The following MYOZ2 variants were observed in gnomAD, a reference collection of about 807,000 sequenced individuals.
The protein encoded by MYOZ2 is myozenin 2.
MYOZ2 carries 19 observed loss-of-function variants against 25.4 expected under a neutral mutation model. That is an observed-to-expected ratio of 0.75 (90% CI 0.52 to 1.10). MYOZ2 has a LOEUF of 1.10. Ranked by LOEUF, MYOZ2 falls within the 50% of genes least tolerant of loss-of-function variation. MYOZ2 has a pLI of 0.00. For synonymous variants in MYOZ2, 92 were observed against 106.9 expected (o/e 0.86, Z 0.86); for missense variants, 270 against 317.9 (o/e 0.85, Z 1.15).
intron 4 of MYOZ2, among the ~76,000 whole-genome samples, chr4:119,161,091 T>C (rs1741697854): frequency 6.6e-6 from 1 of 152,132 alleles, no homozygotes; most frequent in Non-Finnish European, 1.5e-5. Context: ...GTCCTACTTT[T>C]CACGCCTAGG....
At position 119,136,607 on chromosome 4, in the gene MYOZ2, A is replaced by G. The variant is rs1373195401; in HGVS notation, c.76+6A>G. The stretch of plus-strand genomic sequence containing the variant: ...GAAGGAAGTCCATGGAAATGGTATC[A>G]ATAAAAATCCTTCGTAGCATTAATA... On this transcript the variant is annotated splice_donor_region_variant and intron_variant, in intron 2 of 5. Transcript: ENST00000307128. 1 of 1,611,838 alleles carries G rather than the reference A, an allele frequency of 6.2e-7. No individual in the cohort carries two copies. The highest frequency in any genetic ancestry group is 8.5e-7 in the Non-Finnish European group (1 of 1,178,170).
Position 119,158,143 on chromosome 4 carries a change from T to G in MYOZ2, c.368T>G (p.Ile123Ser). 1 of 1,614,046 alleles carries G rather than the reference T, an allele frequency of 6.2e-7. No homozygotes were observed. The highest frequency in any genetic ancestry group is 8.5e-7 in the Non-Finnish European group (1 of 1,179,954). The part of the protein sequence containing the change: ...DPRSPPNPDN[I>S]APGYSGPLKE... ...CGAAGCCCTCCAAATCCAGACAACA[T>G]TGCTCCAGGTAACCAATCCCCTTAC... Residue 123 changes from isoleucine to serine, a missense_variant, in exon 4 of 6, where the codon ATT becomes AGT. Transcript: ENST00000307128.
intron 2 of MYOZ2, among the ~76,000 whole-genome samples, chr4:119,137,247 ACT>A (rs1382645728): frequency 2.6e-5 from 4 of 152,040 alleles, no homozygotes; most frequent in African/African-American, 9.7e-5. Flanking sequence ...GTAATATTTC[ACT>A]CTCTCCTTTT....
chr4:119,136,942 A>G (rs1298341182), intron 2 of MYOZ2, among the ~76,000 whole-genome samples: 1 of 151,818 alleles, frequency 6.6e-6, no homozygotes, highest in Admixed American at 6.6e-5. Context: ...TCTTGTCTTT[A>G]TTGTCCATCC....
chr4:119,181,672 T>A (rs1451998078), intron 5 of MYOZ2, among the ~76,000 whole-genome samples: 1 of 152,186 alleles, frequency 6.6e-6, no homozygotes, highest in Admixed American at 6.5e-5. Context: ...CTACAAAAAC[T>A]ATGGCATAGT....
At chr4:119,165,200 C>T (rs1038707995) in intron 5 of MYOZ2, among the ~76,000 whole-genome samples, 2 of 151,108 alleles carry the variant, frequency 1.3e-5, no homozygotes, top group African/African-American at 4.9e-5. Context: ...GCCAAATAGA[C>T]TGCATTTAAA....
chr4:119,165,852 G>A (rs1280299410), intron 5 of MYOZ2, among the ~76,000 whole-genome samples: 1 of 152,114 alleles, frequency 6.6e-6, no homozygotes, highest in African/African-American at 2.4e-5. Flanking sequence ...TGTACCTGCT[G>A]AGCAGCTTGC....
chr4:119,172,710 C>G (rs945894423), intron 5 of MYOZ2, among the ~76,000 whole-genome samples: 1 of 152,128 alleles, frequency 6.6e-6, no homozygotes, highest in East Asian at 1.9e-4. Flanking sequence ...AATCTAGTCC[C>G]CAGGCAGGAA....
At chr4:119,149,181 T>C (rs1741387890) in intron 2 of MYOZ2, among the ~76,000 whole-genome samples, 1 of 152,172 alleles carries the variant, frequency 6.6e-6, no homozygotes, top group African/African-American at 2.4e-5. Flanking sequence ...CTCTTTGTTA[T>C]TGCTGGGAGA....
At chr4:119,185,639 T>A (rs111683765) in intron 5 of MYOZ2, among the ~76,000 whole-genome samples, 2 of 152,124 alleles carry the variant, frequency 1.3e-5, no homozygotes, top group African/African-American at 4.8e-5. Flanking sequence ...ATAGGGGAAA[T>A]ATTGTTGGTA....
intron 5 of MYOZ2, among the ~76,000 whole-genome samples, chr4:119,178,128 G>A (rs1366374312): frequency 6.6e-6 from 1 of 152,102 alleles, no homozygotes; most frequent in Non-Finnish European, 1.5e-5. Flanking sequence ...TATGTGAAAT[G>A]GCTGATCATT....
intron 2 of MYOZ2, 118 bp from the exon 3 acceptor site, chr4:119,150,754 A>G (rs927715131): frequency 9.9e-7 from 1 of 1,011,980 alleles, no homozygotes; most frequent in Admixed American, 2.2e-5. Flanking sequence ...AGAGAAAATA[A>G]ATGACATACT....
chr4:119,178,524 A>C (rs950952810), intron 5 of MYOZ2, among the ~76,000 whole-genome samples: 2 of 152,198 alleles, frequency 1.3e-5, no homozygotes, highest in African/African-American at 2.4e-5. Context: ...CCTGTTGCTC[A>C]CATAAACAAT....
intron 5 of MYOZ2, among the ~76,000 whole-genome samples, chr4:119,182,825 C>T (rs1457733520): frequency 6.6e-6 from 1 of 152,108 alleles, no homozygotes; most frequent in Non-Finnish European, 1.5e-5. Flanking sequence ...GTTGGGGACC[C>T]TTGCTGTAAC....
intron 5 of MYOZ2, among the ~76,000 whole-genome samples, chr4:119,185,491 T>C (rs1191871985): frequency 2.0e-5 from 3 of 152,122 alleles, no homozygotes; most frequent in Non-Finnish European, 4.4e-5. Context: ...ATTTTTGTAA[T>C]TTTAGTAGAG....
At chr4:119,148,412 C>T (rs1024591930) in intron 2 of MYOZ2, among the ~76,000 whole-genome samples, 3 of 151,990 alleles carry the variant, frequency 2.0e-5, no homozygotes, top group Non-Finnish European at 2.9e-5. Context: ...ATTTTTCAGC[C>T]GTGATTTCTT....
At chr4:119,139,681 AGGAATT>A (rs1741117923) in intron 2 of MYOZ2, among the ~76,000 whole-genome samples, 1 of 152,168 alleles carries the variant, frequency 6.6e-6, no homozygotes, top group Non-Finnish European at 1.5e-5. Flanking sequence ...GCTGGGGGAA[AGGAATT>A]GGAATTTTAA....
At position 119,164,394 on chromosome 4, in the gene MYOZ2, G is replaced by T; in HGVS notation, c.560G>T (p.Arg187Met). 1 of 1,613,922 alleles carries T rather than the reference G, an allele frequency of 6.2e-7. No individual in the cohort carries two copies. The highest frequency in any genetic ancestry group is 8.5e-7 in the Non-Finnish European group (1 of 1,179,908). ...AELPDYRSFN[R>M]VATPFGGFEK... The stretch of plus-strand genomic sequence containing the variant: ...CTGCCTGATTACAGGAGCTTTAACA[G>T]GTAATTCAATGGTCCTGGGTGACAC... Residue 187 changes from arginine to methionine, a missense_variant and splice_region_variant, in exon 5 of 6, where the codon AGG becomes ATG. Physicochemically the swap from Arg to Met is moderately conservative, Grantham distance 91. Transcript: ENST00000307128.
chr4:119,155,144 A>G (rs1322088535), intron 3 of MYOZ2, among the ~76,000 whole-genome samples: 2 of 152,076 alleles, frequency 1.3e-5, no homozygotes, highest in Non-Finnish European at 2.9e-5. Flanking sequence ...TTAACAATCA[A>G]TTCTCATAGG....
Sources: gnomAD v4.1 joint callset for allele counts (sites outside exome capture counted in the v4.1 genomes callset) on GRCh38, gnomAD v4.1.1 for gene constraint, MANE v1.5 for transcripts, NCBI Gene and HGNC (gene_info 2026-07-23, HGNC 2026-07-21) for gene names.